Variants in MICAL2 observed in about 807,000 individuals in gnomAD.
The protein encoded by MICAL2 is [F-actin]-monooxygenase MICAL2.
In MICAL2, 77 loss-of-function variants were observed where a neutral mutation model predicts 127.3. The observed-to-expected ratio is 0.60, with a 90% CI of 0.50 to 0.73. MICAL2 has a LOEUF of 0.73. MICAL2 is among the 30% of genes least tolerant of loss of function. MICAL2 has a pLI of 0.00. For missense variants in MICAL2, 1,351 were observed against 1,434.4 expected (o/e 0.94, Z 0.94); for synonymous variants, 570 against 551.1 (o/e 1.03, Z -0.48).
At chr11:12,238,392 C>T (rs557244323) in intron 16 of MICAL2, among the ~76,000 whole-genome samples, 5 of 152,248 alleles carry the variant, frequency 3.3e-5, no homozygotes, top group South Asian at 2.1e-4. Flanking sequence ...ATAGCATAAC[C>T]GAATGATCAA....
intron 21 of MICAL2, among the ~76,000 whole-genome samples, chr11:12,248,148 C>T (rs1453942872): frequency 6.6e-6 from 1 of 152,166 alleles, no homozygotes; most frequent in East Asian, 1.9e-4. Flanking sequence ...CAGGGCTCTG[C>T]CTTCAGACTC....
intron 3 of MICAL2, among the ~76,000 whole-genome samples, chr11:12,177,474 TTTG>T (rs1856962260): frequency 6.6e-6 from 1 of 152,242 alleles, no homozygotes; most frequent in African/African-American, 2.4e-5. Context: ...GATAGTGTTC[TTTG>T]TTGCACAAAA....
chr11:12,227,305 T>C, intron 15 of MICAL2, 174 bp downstream of exon 15: 2 of 574,010 alleles, frequency 3.5e-6, no homozygotes, highest in South Asian at 2.0e-5. Flanking sequence ...AAGTTCTTCC[T>C]GGCACTGTGT....
At chr11:12,351,517 G>A (rs1029523412) in intron 33 of MICAL2, among the ~76,000 whole-genome samples, 1 of 152,110 alleles carries the variant, frequency 6.6e-6, no homozygotes, top group Non-Finnish European at 1.5e-5. Context: ...AAAGTGTCAG[G>A]GTTAAGAAAC....
downstream of MICAL2, among the ~76,000 whole-genome samples, chr11:12,291,830 G>A (rs890129745): frequency 3.3e-5 from 5 of 152,172 alleles, no homozygotes; most frequent in Admixed American, 6.5e-5. Context: ...ATGCTCTTTG[G>A]AGGCAGATGA....
At chr11:12,128,552 A>G (rs1851136337) in intron 1 of MICAL2, among the ~76,000 whole-genome samples, 1 of 152,220 alleles carries the variant, frequency 6.6e-6, no homozygotes, top group Non-Finnish European at 1.5e-5. Flanking sequence ...GGTACCCACA[A>G]AGAGGTGCAG....
At chr11:12,321,598 G>T (rs1864297613) in intron 30 of MICAL2, among the ~76,000 whole-genome samples, 2 of 152,168 alleles carry the variant, frequency 1.3e-5, no homozygotes, top group Admixed American at 1.3e-4. Flanking sequence ...TTCCCTCTCT[G>T]CATCATCACC....
rs182323339 is a variant in MICAL2, at chr11:12,352,371, G to A, written c.5616-2413G>A. Among the ~76,000 whole-genome samples, 6 of 152,340 alleles carry A rather than the reference G, an allele frequency of 3.9e-5. No individual in the cohort carries two copies. The East Asian group carries it at 7.7e-4, about 20-fold the overall frequency. On this transcript the variant is annotated intron_variant, in intron 33 of 34. Coordinates refer to the MICAL2 transcript ENST00000646065. The stretch of plus-strand genomic sequence containing the variant: ...CTTGTAGTTTTAAGGGAAACACATA[G>A]GCACGTGCATAGCACAGTAGTGATA...
chr11:12,189,556 G>T (rs1343331116), intron 3 of MICAL2, among the ~76,000 whole-genome samples: 2 of 152,208 alleles, frequency 1.3e-5, no homozygotes. Flanking sequence ...GTTTTGCAGG[G>T]TTTAAATTAC....
In MICAL2 at chr11:12,162,070, C is replaced by T; in HGVS notation, c.-77-9C>T. The T allele has an allele frequency of 6.3e-7, 1 of 1,576,146 alleles. No homozygotes were observed. The stretch of plus-strand genomic sequence containing the variant: ...CAAAGCTGACCTCTGCCTCCCCCTA[C>T]TTTCACAGGTGTGACGTTTCTCCAG... On this transcript the variant is annotated splice_polypyrimidine_tract_variant and intron_variant, in intron 2 of 27. Transcript: ENST00000683283.
intron 32 of MICAL2, among the ~76,000 whole-genome samples, chr11:12,335,689 A>T (rs867334893): frequency 4.6e-5 from 7 of 152,332 alleles, no homozygotes; most frequent in African/African-American, 1.4e-4. Flanking sequence ...TAGTTTTCCC[A>T]GCACCATTTA....
At chr11:12,226,852 C>T (rs945793801) in intron 14 of MICAL2, among the ~76,000 whole-genome samples, 173 bp from the exon 15 acceptor site, 1 of 151,896 alleles carries the variant, frequency 6.6e-6, no homozygotes, top group Admixed American at 6.6e-5. Flanking sequence ...GACGCGGTTT[C>T]ACTGTGTTAG....
In MICAL2 at chr11:12,347,083, A is replaced by T. The variant is rs548673557; in HGVS notation, c.5516-2755A>T. 2.2e-3 allele frequency among the ~76,000 whole-genome samples: 338 copies of T among 151,588 alleles called. 1 individual carries two copies. Among genetic ancestry groups the T allele is most frequent in the African/African-American group, 7.9e-3 (327 of 41,312 alleles). On this transcript the variant is annotated intron_variant, in intron 32 of 34. Coordinates refer to the MICAL2 transcript ENST00000646065. The stretch of plus-strand genomic sequence containing the variant: ...CCTCCATGCCCCTCAGCCCCTCCCA[A>T]TCTCTGTCTCCACCGTCTTCTTCCC...
chr11:12,178,726 A>ATTTT (rs11438609), intron 3 of MICAL2, among the ~76,000 whole-genome samples: 3 of 146,338 alleles, frequency 2.1e-5, no homozygotes, highest in African/African-American at 7.5e-5. Flanking sequence ...TATTATTACT[A>ATTTT]TTTTTTTTTT....
chr11:12,162,123 C>CGCCGCACCACT lies in MICAL2; in HGVS notation c.-25_-15dup. 1 of 1,613,122 alleles carries CGCCGCACCACT rather than the reference C, an allele frequency of 6.2e-7. No individual in the cohort carries two copies. The highest frequency in any genetic ancestry group is 1.1e-5 in the South Asian group (1 of 90,952). On this transcript the variant is annotated 5_prime_UTR_variant, in exon 3 of 28. Coordinates refer to ENST00000683283, the MANE Select transcript of MICAL2 (RefSeq NM_001282663.2). ...ACTTCATGCTGTTCACCTGTGTCCT[C>CGCCGCACCACT]GCCGCACCACTGCCGCACACGACTC...
intron 34 of MICAL2, among the ~76,000 whole-genome samples, chr11:12,355,097 C>A (rs1173630412): frequency 6.6e-6 from 1 of 152,192 alleles, no homozygotes; most frequent in Non-Finnish European, 1.5e-5. Context: ...GTCCTATGTT[C>A]ACTTATTCAT....
intron 32 of MICAL2, among the ~76,000 whole-genome samples, chr11:12,345,340 C>G (rs747433474): frequency 1.6e-4 from 25 of 152,140 alleles, no homozygotes; most frequent in South Asian, 6.2e-4. Context: ...CTCTAACAGC[C>G]TCATAGACAA....
intron 34 of MICAL2, chr11:12,354,894 T>C: frequency 4.4e-6 from 7 of 1,585,896 alleles, no homozygotes; most frequent in Non-Finnish European, 6.0e-6. Context: ...AACTTCCCCC[T>C]AGAAAGGCTC....
chr11:12,228,054 TGTG>T (rs1857701701), intron 15 of MICAL2, among the ~76,000 whole-genome samples: 1 of 152,206 alleles, frequency 6.6e-6, no homozygotes, highest in Admixed American at 6.5e-5. Context: ...GGCCTATGGT[TGTG>T]GTGGCTCACG....
Sources: allele counts gnomAD v4.1 joint callset (sites outside exome capture counted in the v4.1 genomes callset), GRCh38; gene constraint gnomAD v4.1.1; transcripts MANE v1.5; gene names NCBI Gene and HGNC (gene_info 2026-07-23, HGNC 2026-07-21).